NEO1: variants seen among roughly 807,000 people sequenced by gnomAD.
NEO1 encodes the protein neogenin.
A neutral mutation model predicts 159.7 loss-of-function variants in NEO1; 63 were observed. The ratio of observed to expected loss-of-function variants is 0.39; its 90% CI spans 0.32 to 0.49. NEO1 has a LOEUF of 0.49. Ranked by LOEUF, NEO1 falls within the 20% of genes least tolerant of loss-of-function variation. The pLI, the probability that NEO1 is intolerant of heterozygous loss-of-function variation, is 0.85. For missense variants in NEO1, 1,615 were observed against 1,831.0 expected, an observed-to-expected ratio of 0.88 and a Z score of 2.15; for synonymous variants, 633 against 662.0, an observed-to-expected ratio of 0.96 and a Z score of 0.67.
chr15:73,080,133 G>A (rs1456874737), intron 1 of NEO1, among the ~76,000 whole-genome samples: 1 of 152,272 alleles, frequency 6.6e-6, no homozygotes. Flanking sequence ...TATGAAAGAA[G>A]TGGATGAGTA....
At chr15:73,279,365 T>TTTTTTTTTTTTTTTTG (rs2041583771) in intron 22 of NEO1, among the ~76,000 whole-genome samples, 3 of 147,636 alleles carry the variant, frequency 2.0e-5, no homozygotes, top group Non-Finnish European at 4.5e-5. Flanking sequence ...TTTTTTTTTT[T>TTTTTTTTTTTTTTTTG]TGAGATGGAA....
chr15:73,170,407 G>A (rs563336538), intron 5 of NEO1, among the ~76,000 whole-genome samples: 3 of 152,184 alleles, frequency 2.0e-5, no homozygotes, highest in East Asian at 3.9e-4. Context: ...AGGAAATCAT[G>A]ATGAAGTTTA....
At chr15:73,259,760 A>G (rs1053769518) in intron 14 of NEO1, among the ~76,000 whole-genome samples, 6 of 152,188 alleles carry the variant, frequency 3.9e-5, no homozygotes, top group African/African-American at 1.4e-4. Flanking sequence ...TCTCTCACCA[A>G]TTGAATCAAC....
chr15:73,134,734 G>A (rs1419119616), intron 4 of NEO1, among the ~76,000 whole-genome samples: 1 of 152,044 alleles, frequency 6.6e-6, no homozygotes, highest in Non-Finnish European at 1.5e-5. Flanking sequence ...ATTTTTAGTA[G>A]AGATGGGGTT....
intron 1 of NEO1, among the ~76,000 whole-genome samples, chr15:73,109,403 C>A (rs1466981747): frequency 1.3e-5 from 2 of 152,124 alleles, no homozygotes; most frequent in Non-Finnish European, 2.9e-5. Context: ...GCAACTAGCA[C>A]ACAAGGGCTA....
chr15:73,064,334 A>C (rs1316541970), intron 1 of NEO1, among the ~76,000 whole-genome samples: 2 of 152,232 alleles, frequency 1.3e-5, no homozygotes, highest in Non-Finnish European at 2.9e-5. Context: ...TATGAATGGC[A>C]GGTAGAATGG....
intron 5 of NEO1, among the ~76,000 whole-genome samples, chr15:73,153,447 G>A (rs2033538335): frequency 6.6e-6 from 1 of 152,162 alleles, no homozygotes. Context: ...CCAAAACCCT[G>A]GAGAAATCTT....
chr15:73,052,539 G>C lies in NEO1; in HGVS notation c.-137G>C. 5.6e-6 allele frequency: 2 copies of C among 358,472 alleles called. No homozygotes were observed. Among genetic ancestry groups the C allele is most frequent in the Non-Finnish European group, 8.7e-6 (2 of 229,398 alleles). 22.2% of individuals were successfully genotyped at this position (358,472 alleles called of 1,614,324 possible). On this transcript the variant is annotated 5_prime_UTR_variant, in exon 1 of 29. Transcript: ENST00000261908. Reference sequence around the variant, plus strand: ...CGAGAGGGGCTGCGCGGGCCGGGCCGGGCCGGGCTGGGCTGGAGCAGCGGC... The same window carrying C: ...CGAGAGGGGCTGCGCGGGCCGGGCCCGGCCGGGCTGGGCTGGAGCAGCGGC...
At chr15:73,124,526 C>A (rs76463123) in intron 3 of NEO1, among the ~76,000 whole-genome samples, 68 of 152,244 alleles carry the variant, frequency 4.5e-4, no homozygotes, top group African/African-American at 1.6e-3. Flanking sequence ...CTCCCTCACT[C>A]GAAGATTGTG....
chr15:73,286,658 T>C (rs778906507), intron 23 of NEO1, among the ~76,000 whole-genome samples: 5 of 152,234 alleles, frequency 3.3e-5, no homozygotes, highest in Non-Finnish European at 5.9e-5. Context: ...AAATTCAGCA[T>C]GTCCAGAGCA....
At chr15:73,290,224 A>ATTTTTTTTTT (rs34114271) in intron 25 of NEO1, among the ~76,000 whole-genome samples, 5 of 82,252 alleles carry the variant, frequency 6.1e-5, no homozygotes, top group African/African-American at 2.1e-4. Flanking sequence ...ACTGTGTGGA[A>ATTTTTTTTTT]TTTTTTTTTT....
At chr15:73,210,055 T>C (rs990545029) in intron 7 of NEO1, among the ~76,000 whole-genome samples, 1 of 152,150 alleles carries the variant, frequency 6.6e-6, no homozygotes, top group Non-Finnish European at 1.5e-5. Context: ...TGTGATGACA[T>C]TGCCATATAG....
chr15:73,187,345 T>A (rs557994406), intron 7 of NEO1, among the ~76,000 whole-genome samples: 3 of 152,284 alleles, frequency 2.0e-5, no homozygotes, highest in Admixed American at 2.0e-4. Context: ...AGTCTGACTT[T>A]CTTCACTTAT....
In NEO1 at chr15:73,254,712, C is replaced by G. The variant is rs2040252100; in HGVS notation, c.1975C>G (p.Pro659Ala). The G allele has an allele frequency of 1.2e-5, 20 of 1,613,692 alleles. No homozygotes were observed. The highest frequency in any genetic ancestry group is 1.7e-5 in the Non-Finnish European group (20 of 1,179,916). The change falls in exon 13 of 29, where the codon CCA (proline) becomes GCA (alanine). Residue 659 changes from proline to alanine, a missense_variant. Pro to Ala is a conservative substitution (Grantham distance 27). Transcript: ENST00000261908. ...SIMIHWQPPA[P>A]ATQNGQITGY... ...TATGATTCACTGGCAGCCACCTGCT[C>G]CAGCCACACAAAATGGGCAGATTAC...
At chr15:73,248,725 A>G (rs2039926220) in intron 9 of NEO1, among the ~76,000 whole-genome samples, 1 of 152,148 alleles carries the variant, frequency 6.6e-6, no homozygotes, top group Non-Finnish European at 1.5e-5. Context: ...GCAGGATTCT[A>G]TTCATCACTG....
chr15:73,095,628 T>G (rs1356546467), intron 1 of NEO1, among the ~76,000 whole-genome samples: 2 of 152,088 alleles, frequency 1.3e-5, no homozygotes, highest in Non-Finnish European at 2.9e-5. Flanking sequence ...TCAAGATGAT[T>G]TGGTTCTATA....
At chr15:73,224,340 A>G (rs899437971) in intron 7 of NEO1, among the ~76,000 whole-genome samples, 1 of 152,116 alleles carries the variant, frequency 6.6e-6, no homozygotes, top group Non-Finnish European at 1.5e-5. Context: ...TGCTTCTTGT[A>G]TTTGGATGTC....
rs183616472 is a variant in NEO1, at chr15:73,272,596, G to A, written c.2965+34G>A. The A allele has an allele frequency of 2.8e-4, 393 of 1,404,600 alleles. 2 individuals are homozygous for A. The African/African-American group carries it at 4.3e-3, about 15-fold the overall frequency. 87.0% of individuals were successfully genotyped at this position (1,404,600 alleles called of 1,614,324 possible). On this transcript the variant is annotated intron_variant, in intron 19 of 28. Coordinates refer to ENST00000261908, the MANE Select transcript of NEO1 (RefSeq NM_002499.4). ...CAATCAAGTGTGCATTTCTTTGTGC[G>A]CTCTTCCTGCCTGACAGGAGTATTC...
At chr15:73,097,308 T>G (rs1417539645) in intron 1 of NEO1, among the ~76,000 whole-genome samples, 1 of 152,012 alleles carries the variant, frequency 6.6e-6, no homozygotes, top group Admixed American at 6.6e-5. Context: ...TTAATTTCAT[T>G]TTTCCACGAA....
Sources: gnomAD v4.1 joint callset for allele counts (sites outside exome capture counted in the v4.1 genomes callset) on GRCh38, gnomAD v4.1.1 for gene constraint, MANE v1.5 for transcripts, NCBI Gene and HGNC (gene_info 2026-07-23, HGNC 2026-07-21) for gene names.